Variants in EFHC2 observed in about 807,000 individuals in gnomAD.
The protein encoded by EFHC2 is EF-hand domain-containing family member C2.
EFHC2 carries 18 observed loss-of-function variants against 52.7 expected under a neutral mutation model. That is an observed-to-expected ratio of 0.34 (90% CI 0.24 to 0.51). The LOEUF is 0.51. EFHC2 is among the 20% of genes least tolerant of loss of function. EFHC2 has a pLI of 0.97. For synonymous variants in EFHC2, 203 were observed against 204.1 expected (o/e 0.99, Z 0.04); for missense variants, 513 against 562.5 (o/e 0.91, Z 0.89).
intron 12 of EFHC2, 123 bp downstream of exon 12, chrX:44,178,244 T>C: frequency 1.6e-6 from 1 of 624,932 alleles, no homozygotes; most frequent in East Asian, 3.6e-5. Flanking sequence ...TGCTAAATAG[T>C]AGAGTATGAG....
intron 8 of EFHC2, among the ~76,000 whole-genome samples, chrX:44,237,165 T>A (rs1049606716): frequency 2.7e-5 from 3 of 110,840 alleles, no homozygotes; most frequent in Non-Finnish European, 5.7e-5. Context: ...CAGAGTCCAA[T>A]CCCCAGAGAT....
intron 1 of EFHC2, among the ~76,000 whole-genome samples, chrX:44,329,159 AG>A (rs1343966668): frequency 1.8e-5 from 2 of 111,722 alleles, no homozygotes; most frequent in African/African-American, 6.5e-5. Flanking sequence ...TACTTTCAGG[AG>A]AAAGCATTAC....
chrX:44,286,976 T>A (rs2037753838), intron 2 of EFHC2, among the ~76,000 whole-genome samples: 2 of 83,293 alleles, frequency 2.4e-5, no homozygotes, highest in Admixed American at 1.8e-4. Flanking sequence ...CAGTGAGCTA[T>A]AATCACACCA....
At chrX:44,245,183 C>T (rs958001092) in intron 7 of EFHC2, among the ~76,000 whole-genome samples, 5 of 111,460 alleles carry the variant, frequency 4.5e-5, no homozygotes, top group Non-Finnish European at 7.5e-5. Flanking sequence ...CTTAAATGTC[C>T]TGCTGTTCCT....
At chrX:44,260,336 T>A (rs1254931115) in intron 4 of EFHC2, among the ~76,000 whole-genome samples, 2 of 110,517 alleles carry the variant, frequency 1.8e-5, no homozygotes, top group Non-Finnish European at 3.8e-5. Context: ...AGGGTAAGAG[T>A]CAAGACATTT....
chrX:44,226,750 C>G (rs1275916136), intron 11 of EFHC2, among the ~76,000 whole-genome samples: 1 of 108,320 alleles, frequency 9.2e-6, no homozygotes, highest in Non-Finnish European at 1.9e-5. Context: ...GTCGGGGGGT[C>G]GGGACCTAGG....
At chrX:44,276,072 G>GT (rs932747391) in intron 2 of EFHC2, among the ~76,000 whole-genome samples, 4 of 111,039 alleles carry the variant, frequency 3.6e-5, no homozygotes, top group African/African-American at 1.3e-4. Flanking sequence ...ATTATATGAG[G>GT]TTACCTACCT....
At chrX:44,290,311 T>C (rs188973386) in intron 2 of EFHC2, among the ~76,000 whole-genome samples, 2 of 111,918 alleles carry the variant, frequency 1.8e-5, no homozygotes, top group East Asian at 5.6e-4. Flanking sequence ...ACTTTTTGCC[T>C]GCAGTCTCAT....
intron 1 of EFHC2, among the ~76,000 whole-genome samples, chrX:44,314,105 G>T (rs1019414553): frequency 8.9e-6 from 1 of 112,025 alleles, no homozygotes; most frequent in African/African-American, 3.2e-5. Context: ...TACATGCATA[G>T]AAATGATAAG....
chrX:44,301,335 C>A (rs1355087907), intron 2 of EFHC2, among the ~76,000 whole-genome samples: 1 of 109,441 alleles, frequency 9.1e-6, no homozygotes, highest in African/African-American at 3.3e-5. Flanking sequence ...CCCCCCCGAC[C>A]AAATTATACT....
In EFHC2 at chrX:44,148,226, C is replaced by CGTGTGTGT. The variant is rs760013902; in HGVS notation, c.*568_*569insACACACAC. Reference sequence around the variant, plus strand: ...TGCATATGTTTCCAGTGTGTGTGCACGTGCGTGTGTGTGTGTGTGTGTGTG... The same window carrying CGTGTGTGT: ...TGCATATGTTTCCAGTGTGTGTGCACGTGTGTGTGTGCGTGTGTGTGTGTGTGTGTGTG... On this transcript the variant is annotated 3_prime_UTR_variant, in exon 15 of 15. Coordinates refer to ENST00000420999, the MANE Select transcript of EFHC2 (RefSeq NM_025184.4). The CGTGTGTGT allele has an allele frequency of 0.014, 1,331 of 94,802 alleles. 12 individuals carry two copies. The highest frequency in any genetic ancestry group is 0.033 in the African/African-American group (829 of 25,306). 7.8% of individuals were successfully genotyped at this position (94,802 alleles called of 1,213,427 possible).
At chrX:44,267,317 C>A (rs2037585509) in intron 3 of EFHC2, among the ~76,000 whole-genome samples, 1 of 111,954 alleles carries the variant, frequency 8.9e-6, no homozygotes, top group Non-Finnish European at 1.9e-5. Context: ...AGAGTGATGT[C>A]CTGGCAAGAA....
chrX:44,254,920 A>G (rs1010784283), intron 4 of EFHC2, among the ~76,000 whole-genome samples: 1 of 111,485 alleles, frequency 9.0e-6, no homozygotes, highest in African/African-American at 3.3e-5. Flanking sequence ...CTAACAGGAG[A>G]CCTCTCTGCA....
chrX:44,168,478 G>C (rs1327945495), intron 13 of EFHC2, among the ~76,000 whole-genome samples: 2 of 109,514 alleles, frequency 1.8e-5, no homozygotes, highest in Non-Finnish European at 3.8e-5. Context: ...CTTGCAGTGA[G>C]CCGAGATTGC....
chrX:44,297,746 A>C (rs1195404956), intron 2 of EFHC2, among the ~76,000 whole-genome samples: 2 of 102,619 alleles, frequency 1.9e-5, no homozygotes, highest in Admixed American at 1.1e-4. Context: ...AAAAAAAAAA[A>C]CCGATGATGA....
chrX:44,164,425 T>C (rs975799673), intron 13 of EFHC2, among the ~76,000 whole-genome samples: 7 of 112,552 alleles, frequency 6.2e-5, no homozygotes, highest in Non-Finnish European at 1.3e-4. Flanking sequence ...ATTTCTTCAA[T>C]TGCATACCTT....
intron 11 of EFHC2, among the ~76,000 whole-genome samples, chrX:44,182,453 A>G (rs976453833): frequency 8.9e-6 from 1 of 112,261 alleles, no homozygotes; most frequent in Non-Finnish European, 1.9e-5. Flanking sequence ...TGGGGTATAT[A>G]TACCAAGGAG....
chrX:44,251,238 CAAAAAAAA>C (rs746850685), intron 4 of EFHC2, among the ~76,000 whole-genome samples: 45 of 18,305 alleles, frequency 2.5e-3, no homozygotes, highest in African/African-American at 0.021. Context: ...GACTCCATCT[CAAAAAAAA>C]AAAAAAAAAA....
At chrX:44,238,664 T>C (rs191802909) in intron 8 of EFHC2, among the ~76,000 whole-genome samples, 1,223 of 111,210 alleles carry the variant, frequency 0.011, 12 homozygotes, top group Middle Eastern at 0.018. Context: ...GCTCAGGGCC[T>C]TTACACCGAC....
Sources: allele counts gnomAD v4.1 joint callset (sites outside exome capture counted in the v4.1 genomes callset), GRCh38; gene constraint gnomAD v4.1.1; transcripts MANE v1.5; gene names NCBI Gene and HGNC (gene_info 2026-07-23, HGNC 2026-07-21).